LUZP2: variants seen among roughly 807,000 people sequenced by gnomAD.
LUZP2 encodes the protein leucine zipper protein 2.
Under a neutral mutation model 51.6 loss-of-function variants are expected in LUZP2, and 52 were observed. That is an observed-to-expected ratio of 1.01 (90% confidence interval 0.81 to 1.27). LUZP2 has a LOEUF of 1.27. Among genes scored for constraint, LUZP2 ranks in the 50% most tolerant of loss-of-function variants. The probability of loss-of-function intolerance (pLI) is 0.00; values close to 1 mark genes in which losing one functional copy is unlikely to be tolerated. For missense variants in LUZP2, 436 were observed against 395.4 expected (o/e 1.10, Z -0.87); for synonymous variants, 154 against 137.3 (o/e 1.12, Z -0.85).
At chr11:24,924,782 G>A (rs951783962) in intron 7 of LUZP2, among the ~76,000 whole-genome samples, 4 of 152,164 alleles carry the variant, frequency 2.6e-5, no homozygotes, top group African/African-American at 9.7e-5. Context: ...CTAGGGAGAT[G>A]ATAGGTGGAT....
chr11:24,944,015 T>C (rs1014587604), intron 7 of LUZP2, among the ~76,000 whole-genome samples: 3 of 152,198 alleles, frequency 2.0e-5, no homozygotes, highest in African/African-American at 4.8e-5. Flanking sequence ...CAAGTATTAT[T>C]TTAAATGTAC....
chr11:24,753,482 A>G (rs1022587507), intron 4 of LUZP2, among the ~76,000 whole-genome samples: 13 of 152,108 alleles, frequency 8.5e-5, no homozygotes, highest in Non-Finnish European at 7.4e-5. Context: ...AAAGGCAGGG[A>G]AAGATTAGAG....
At chr11:25,000,063 T>TGCTGATTGGTCCATTTTACAGAGA (rs1232285876) in intron 9 of LUZP2, among the ~76,000 whole-genome samples, 1 of 152,244 alleles carries the variant, frequency 6.6e-6, no homozygotes, top group South Asian at 2.1e-4. Context: ...TTTTACAGAG[T>TGCTGATTGGTCCATTTTACAGAGA]GCTGATTGGT....
At chr11:25,022,817 C>G (rs1186850875) in intron 9 of LUZP2, among the ~76,000 whole-genome samples, 1 of 152,004 alleles carries the variant, frequency 6.6e-6, no homozygotes, top group South Asian at 2.1e-4. Context: ...TTTTGAGATA[C>G]GTCCCATCAA....
At chr11:24,711,059 C>T (rs546196469) in intron 1 of LUZP2, among the ~76,000 whole-genome samples, 112 of 152,128 alleles carry the variant, frequency 7.4e-4, no homozygotes, top group Middle Eastern at 6.8e-3. Context: ...GAAATGCTAG[C>T]ATCTAAAGGG....
intron 5 of LUZP2, among the ~76,000 whole-genome samples, chr11:24,896,999 C>G (rs901281651): frequency 6.6e-6 from 1 of 152,086 alleles, no homozygotes; most frequent in African/African-American, 2.4e-5. Flanking sequence ...CTGTGTCTAG[C>G]TCAAGGTGTG....
At chr11:24,560,430 G>A (rs1485037326) in intron 1 of LUZP2, among the ~76,000 whole-genome samples, 2 of 152,104 alleles carry the variant, frequency 1.3e-5, no homozygotes, top group Non-Finnish European at 2.9e-5. Context: ...TATTCTGAGA[G>A]CAAAGAACCC....
intron 1 of LUZP2, among the ~76,000 whole-genome samples, chr11:24,658,485 T>A (rs1855898427): frequency 6.6e-6 from 1 of 152,098 alleles, no homozygotes; most frequent in Admixed American, 6.6e-5. Context: ...GAAGAAAACC[T>A]AGGCAATACC....
intron 7 of LUZP2, among the ~76,000 whole-genome samples, chr11:24,951,330 T>G (rs1327361107): frequency 6.6e-6 from 1 of 151,588 alleles, no homozygotes; most frequent in African/African-American, 2.4e-5. Flanking sequence ...TCAGCACAAT[T>G]CTTGGCATAT....
At chr11:24,982,821 A>G (rs1000303417) in intron 8 of LUZP2, among the ~76,000 whole-genome samples, 4 of 151,856 alleles carry the variant, frequency 2.6e-5, no homozygotes, top group Non-Finnish European at 5.9e-5. Context: ...CATCAGAGTA[A>G]CCTAGAGTAT....
At chr11:24,560,543 A>G (rs757613070) in intron 1 of LUZP2, among the ~76,000 whole-genome samples, 19 of 152,160 alleles carry the variant, frequency 1.2e-4, no homozygotes, top group Non-Finnish European at 1.9e-4. Flanking sequence ...AGGCAGCACG[A>G]CAAGTCAGAT....
chr11:24,852,689 G>A (rs2220294), intron 5 of LUZP2, among the ~76,000 whole-genome samples: 150,249 of 152,134 alleles, frequency 0.99, 74,211 homozygotes, highest in South Asian at 1. Context: ...TGATCTGTCT[G>A]TTATTGTGTG....
intron 1 of LUZP2, among the ~76,000 whole-genome samples, chr11:24,520,702 C>G (rs1010523061): frequency 2.0e-5 from 3 of 152,214 alleles, no homozygotes; most frequent in African/African-American, 7.2e-5. Flanking sequence ...CAGAGCCAGA[C>G]TAGGCTTAGG....
intron 1 of LUZP2, among the ~76,000 whole-genome samples, chr11:24,621,788 C>T (rs1854503771): frequency 6.6e-6 from 1 of 152,156 alleles, no homozygotes; most frequent in South Asian, 2.1e-4. Flanking sequence ...CTTCAAAACT[C>T]TTGTTCTTAA....
chr11:24,973,928 T>A (rs1320999789), intron 7 of LUZP2, among the ~76,000 whole-genome samples: 1 of 151,924 alleles, frequency 6.6e-6, no homozygotes, highest in Non-Finnish European at 1.5e-5. Context: ...TAATGGAGAG[T>A]TCTGTAGATA....
chr11:24,872,779 C>A (rs543206157), intron 5 of LUZP2, among the ~76,000 whole-genome samples: 1 of 152,192 alleles, frequency 6.6e-6, no homozygotes, highest in South Asian at 2.1e-4. Context: ...TTTGCACATT[C>A]TTTGTTTCCT....
intron 5 of LUZP2, among the ~76,000 whole-genome samples, chr11:24,792,900 T>C (rs1212685366): frequency 6.6e-6 from 1 of 152,126 alleles, no homozygotes; most frequent in East Asian, 1.9e-4. Flanking sequence ...CTTGAGGCAA[T>C]TTCTATGACT....
At chr11:25,054,335 A>T (rs1401140060) in intron 10 of LUZP2, among the ~76,000 whole-genome samples, 1 of 152,220 alleles carries the variant, frequency 6.6e-6, no homozygotes, top group East Asian at 1.9e-4. Flanking sequence ...TATTTTCAAT[A>T]AAGTTCAACT....
intron 9 of LUZP2, among the ~76,000 whole-genome samples, chr11:25,045,093 A>C (rs1228222258): frequency 6.7e-6 from 1 of 149,386 alleles, no homozygotes; most frequent in African/African-American, 2.5e-5. Flanking sequence ...GCATTAGGAG[A>C]TATACCTAAT....
Sources: gnomAD v4.1 joint callset for allele counts (sites outside exome capture counted in the v4.1 genomes callset) on GRCh38, gnomAD v4.1.1 for gene constraint, MANE v1.5 for transcripts, NCBI Gene and HGNC (gene_info 2026-07-23, HGNC 2026-07-21) for gene names.